The following IARS1 variants were observed in gnomAD, a reference collection of about 807,000 sequenced individuals.
IARS1 encodes the protein isoleucyl-tRNA synthetase 1.
In IARS1, 124 loss-of-function variants were observed where a neutral mutation model predicts 168.2. That is an observed-to-expected ratio of 0.74 (90% CI 0.64 to 0.86). The LOEUF is 0.86. Ranked by LOEUF, IARS1 falls within the 40% of genes least tolerant of loss-of-function variation. IARS1 has a pLI of 0.00. For synonymous variants in IARS1, 532 were observed against 529.4 expected, an observed-to-expected ratio of 1.00 and a Z score of -0.07; for missense variants, 1,452 against 1,515.8, an observed-to-expected ratio of 0.96 and a Z score of 0.70.
intron 6 of IARS1, among the ~76,000 whole-genome samples, chr9:92,282,772 AAAAT>A (rs938910781): frequency 1.5e-4 from 23 of 151,622 alleles, no homozygotes; most frequent in Admixed American, 2.6e-4. Context: ...CCCTTCTCTA[AAAAT>A]AAATAAATAA....
intron 9 of IARS1, among the ~76,000 whole-genome samples, chr9:92,275,802 T>C (rs2133906134): frequency 6.6e-6 from 1 of 152,322 alleles, no homozygotes; most frequent in African/African-American, 2.4e-5. Context: ...ACAGGTATAT[T>C]TCAGTGAACA....
intron 14 of IARS1, 98 bp from the exon 15 acceptor site, chr9:92,265,651 T>C: frequency 1.0e-6 from 1 of 981,692 alleles, no homozygotes; most frequent in African/African-American, 1.6e-5. Context: ...GAGAGACTGA[T>C]GATTTTCTTT....
At chr9:92,248,367 A>T (rs150006293) in intron 25 of IARS1, among the ~76,000 whole-genome samples, 84 of 152,230 alleles carry the variant, frequency 5.5e-4, no homozygotes, top group African/African-American at 2.0e-3. Context: ...ATTTTAAGTG[A>T]AGTAGTTAAT....
chr9:92,222,426 A>G lies in IARS1; in HGVS notation c.3706+94T>C, dbSNP rs1839807616. 4 of 808,358 alleles carry G rather than the reference A, an allele frequency of 4.9e-6. 1 individual carries two copies. Among genetic ancestry groups the G allele is most frequent in the South Asian group, 4.1e-5 (2 of 48,430 alleles). 50.1% of individuals were successfully genotyped at this position (808,358 alleles called of 1,614,324 possible). On this transcript the variant is annotated intron_variant, in intron 33 of 33. Coordinates refer to ENST00000443024, the MANE Select transcript of IARS1 (RefSeq NM_002161.6). ...AAGAATAACAAAACAGGATAACAAT[A>G]GTACTATCTTACATGTATATGCTAC...
chr9:92,245,870 C>T (rs1443214200), intron 26 of IARS1, among the ~76,000 whole-genome samples: 1 of 152,000 alleles, frequency 6.6e-6, no homozygotes, highest in East Asian at 1.9e-4. Flanking sequence ...GGGTTCACGC[C>T]ATTCCCCGGC....
rs1467207273 is a variant in IARS1, at chr9:92,271,612, T to C, written c.1034A>G (p.Asp345Gly). ...ATCCACAGGGCAAACAGGGAGTGAG[T>C]CTTTCCGAATAATGTTAAAGTCCAT... ...VCMDFNIIRKDSLPVCPVDAS... is the reference protein window; with the variant it reads ...VCMDFNIIRKGSLPVCPVDAS... The change falls in exon 11 of 34, where the codon GAC (aspartate) becomes GGC (glycine). Residue 345 changes from aspartate (D) to glycine (G), a missense_variant. Transcript: ENST00000443024. The C allele has an allele frequency of 6.2e-7, 1 of 1,613,848 alleles. No homozygotes were observed.
intron 7 of IARS1, among the ~76,000 whole-genome samples, chr9:92,278,953 CT>C (rs1834136586): frequency 6.6e-6 from 1 of 152,152 alleles, no homozygotes; most frequent in South Asian, 2.1e-4. Flanking sequence ...CTTGATGCAT[CT>C]GTGTACCCTT....
At chr9:92,280,676 G>T in intron 7 of IARS1, 70 bp downstream of exon 7, 2 of 966,630 alleles carry the variant, frequency 2.1e-6, no homozygotes, top group Non-Finnish European at 1.5e-6. Flanking sequence ...AGAAAGGTAA[G>T]CTTTCATATT....
At chr9:92,266,301 C>G (rs898542127) in intron 14 of IARS1, among the ~76,000 whole-genome samples, 3 of 152,234 alleles carry the variant, frequency 2.0e-5, no homozygotes, top group African/African-American at 7.2e-5. Context: ...CAAGAAAAAG[C>G]TAGAGCTAAA....
rs778822124 is a variant in IARS1, at chr9:92,271,514, T to C, written c.1113+19A>G. On this transcript the variant is annotated intron_variant, in intron 11 of 33. Coordinates refer to ENST00000443024, the MANE Select transcript of IARS1 (RefSeq NM_002161.6). ...ATCAGAAGTAACAGTCACCCTTCTATGCTATATGGATTACAGACCTTCACA... is the reference window on the plus strand; with the variant it reads ...ATCAGAAGTAACAGTCACCCTTCTACGCTATATGGATTACAGACCTTCACA... 4.3e-6 allele frequency: 7 copies of C among 1,613,726 alleles called. No homozygotes were observed. The highest frequency in any genetic ancestry group is 1.1e-5 in the South Asian group (1 of 91,086).
intron 18 of IARS1, among the ~76,000 whole-genome samples, 159 bp downstream of exon 18, chr9:92,259,992 G>C (rs938983005): frequency 5.3e-5 from 8 of 152,134 alleles, no homozygotes; most frequent in Admixed American, 2.0e-4. Context: ...TATTTTGGGG[G>C]TTTAAAATCA....
intron 24 of IARS1, 119 bp from the exon 25 acceptor site, chr9:92,250,060 G>A (rs905757536): frequency 2.4e-6 from 2 of 845,388 alleles, no homozygotes; most frequent in Admixed American, 3.7e-5. Flanking sequence ...CTAGTACTAA[G>A]TCATTCACAC....
chr9:92,253,688 G>A (rs757507052), intron 20 of IARS1: 18 of 540,600 alleles, frequency 3.3e-5, no homozygotes, highest in African/African-American at 1.5e-4. Context: ...AGCCACATGC[G>A]AATTCCCATT....
intron 10 of IARS1, 72 bp from the exon 11 acceptor site, chr9:92,271,727 C>T: frequency 2.0e-6 from 3 of 1,490,680 alleles, no homozygotes; most frequent in African/African-American, 2.8e-5. Context: ...TAATAGATTC[C>T]CAAGATAATT....
At chr9:92,248,730 C>T (rs968919307) in intron 25 of IARS1, among the ~76,000 whole-genome samples, 4 of 148,478 alleles carry the variant, frequency 2.7e-5, no homozygotes, top group Non-Finnish European at 6.0e-5. Context: ...TAAAATCTAA[C>T]TTTTGGTTTC....
chr9:92,285,485 A>C (rs910253535), intron 6 of IARS1, among the ~76,000 whole-genome samples: 1 of 152,148 alleles, frequency 6.6e-6, no homozygotes, highest in Admixed American at 6.5e-5. Context: ...AACAAGCAAA[A>C]CCTATCACAT....
At chr9:92,256,090 T>C (rs907837264) in intron 20 of IARS1, among the ~76,000 whole-genome samples, 1 of 151,164 alleles carries the variant, frequency 6.6e-6, no homozygotes, top group African/African-American at 2.4e-5. Flanking sequence ...AGTGGTAGAG[T>C]TGGGCTCTGA....
At chr9:92,252,770 A>AAAAG (rs1329171736) in intron 21 of IARS1, among the ~76,000 whole-genome samples, 1 of 130,454 alleles carries the variant, frequency 7.7e-6, no homozygotes, top group East Asian at 2.2e-4. Context: ...TTCTCAAAAA[A>AAAAG]AAAAAAAAAA....
intron 33 of IARS1, among the ~76,000 whole-genome samples, chr9:92,218,363 AC>A (rs1375086512): frequency 3.6e-5 from 5 of 138,274 alleles, no homozygotes; most frequent in Non-Finnish European, 7.6e-5. Flanking sequence ...GAAAACTGGC[AC>A]AAGACAGGGA....
Sources: gnomAD v4.1 joint callset for allele counts (sites outside exome capture counted in the v4.1 genomes callset) on GRCh38, gnomAD v4.1.1 for gene constraint, MANE v1.5 for transcripts, NCBI Gene and HGNC (gene_info 2026-07-23, HGNC 2026-07-21) for gene names.